TRPC4: variants seen among roughly 807,000 people sequenced by gnomAD.
TRPC4 encodes transient receptor potential cation channel subfamily C member 4.
In TRPC4, 49 loss-of-function variants were observed where a neutral mutation model predicts 99.4. That is an observed-to-expected ratio of 0.49 (90% CI 0.39 to 0.63). The LOEUF (loss-of-function observed/expected upper bound fraction) is 0.63. Among genes scored for constraint, TRPC4 ranks in the 20% least tolerant of loss-of-function variants. The pLI, the probability that TRPC4 is intolerant of heterozygous loss-of-function variation, is 0.00. For synonymous variants in TRPC4, 454 were observed against 425.9 expected (o/e 1.07, Z -0.81); for missense variants, 898 against 1,152.9 (o/e 0.78, Z 3.20).
At chr13:37,780,911 A>C (rs1182531508) in intron 2 of TRPC4, among the ~76,000 whole-genome samples, 1 of 152,122 alleles carries the variant, frequency 6.6e-6, no homozygotes, top group Non-Finnish European at 1.5e-5. Context: ...ATTCTTGGCC[A>C]GCAGACTGAT....
At position 37,636,873 on chromosome 13, in the gene TRPC4, G is replaced by T; in HGVS notation, c.*30C>A. ...CCAGAGCACTACGGAAAATACGTAT[G>T]TGTATGGTAAACGCTTCCTCCTTCA... is the stretch of plus-strand genomic sequence containing the variant. On this transcript the variant is annotated 3_prime_UTR_variant, in exon 11 of 11. Transcript: ENST00000379705. The T allele has an allele frequency of 6.3e-7, 1 of 1,587,560 alleles. No individual in the cohort carries two copies. Among genetic ancestry groups the T allele is most frequent in the Non-Finnish European group, 8.6e-7 (1 of 1,166,972 alleles).
intron 1 of TRPC4, among the ~76,000 whole-genome samples, chr13:37,832,763 TG>T (rs1464016763): frequency 2.0e-5 from 3 of 152,156 alleles, no homozygotes; most frequent in African/African-American, 7.2e-5. Flanking sequence ...AACTATATAC[TG>T]TTTACAAAAT....
chr13:37,779,422 TA>T (rs34336154), intron 2 of TRPC4, among the ~76,000 whole-genome samples: 4,706 of 144,700 alleles, frequency 0.033, 237 homozygotes, highest in African/African-American at 0.11. Context: ...CTCTTCTCAT[TA>T]AAAAAAAAAA....
intron 2 of TRPC4, among the ~76,000 whole-genome samples, chr13:37,781,241 A>G (rs555159794): frequency 1.3e-5 from 2 of 152,240 alleles, no homozygotes; most frequent in South Asian, 4.1e-4. Flanking sequence ...CATCAAAAAC[A>G]TGTTCCATGG....
In TRPC4 at chr13:37,636,676, TAACAAAAACAATTGTAAG is replaced by T. The variant is rs1951527498; in HGVS notation, c.*209_*226del. ...AAGAATACAAGGTGCATTTATTTAT[TAACAAAAACAATTGTAAG>T]ACAAATTGTGAAAGCAAAAGCAGGC... On this transcript the variant is annotated 3_prime_UTR_variant, in exon 11 of 11. Coordinates refer to ENST00000379705, the MANE Select transcript of TRPC4 (RefSeq NM_016179.4). 1 of 435,980 alleles carries T rather than the reference TAACAAAAACAATTGTAAG, an allele frequency of 2.3e-6. No individual in the cohort carries two copies. The highest frequency in any genetic ancestry group is 3.9e-6 in the Non-Finnish European group (1 of 254,328). The allele number at this position is 435,980 out of a possible 1,614,324, so 27.0% of individuals were successfully genotyped here.
chr13:37,842,371 G>GAAAAAAAA (rs1958766303), intron 1 of TRPC4, among the ~76,000 whole-genome samples: 2 of 54,412 alleles, frequency 3.7e-5, no homozygotes, highest in Admixed American at 1.8e-4. Context: ...AAAAAAAAAA[G>GAAAAAAAA]GAAAAGGAAA....
intron 6 of TRPC4, among the ~76,000 whole-genome samples, chr13:37,659,369 C>T (rs903107778): frequency 1.3e-5 from 2 of 152,144 alleles, no homozygotes; most frequent in African/African-American, 2.4e-5. Context: ...TGAATGGAAG[C>T]TTCCTGAGGC....
intron 5 of TRPC4, among the ~76,000 whole-genome samples, chr13:37,671,904 C>G (rs1291922975): frequency 1.3e-5 from 2 of 152,144 alleles, no homozygotes; most frequent in Admixed American, 6.5e-5. Context: ...ACTCCTATGA[C>G]CATATATTAA....
At chr13:37,726,553 A>T (rs1394191237) in intron 3 of TRPC4, among the ~76,000 whole-genome samples, 1 of 152,200 alleles carries the variant, frequency 6.6e-6, no homozygotes, top group African/African-American at 2.4e-5. Flanking sequence ...GAAGATAGTA[A>T]TGCAGGAAGT....
intron 1 of TRPC4, among the ~76,000 whole-genome samples, chr13:37,800,617 A>G (rs2139429432): frequency 6.6e-6 from 1 of 152,228 alleles, no homozygotes; most frequent in Non-Finnish European, 1.5e-5. Flanking sequence ...TATTCTCCAA[A>G]TGTAATATAT....
chr13:37,810,636 T>C (rs1296269878), intron 1 of TRPC4, among the ~76,000 whole-genome samples: 1 of 152,110 alleles, frequency 6.6e-6, no homozygotes, highest in Non-Finnish European at 1.5e-5. Flanking sequence ...AGTTAACAAA[T>C]GATTTTAAAG....
chr13:37,808,225 G>A (rs181786541), intron 1 of TRPC4, among the ~76,000 whole-genome samples: 35 of 152,156 alleles, frequency 2.3e-4, no homozygotes, highest in African/African-American at 8.2e-4. Flanking sequence ...TTCTTTAGAA[G>A]GTCTTTAGTG....
At chr13:37,775,607 C>A (rs1345916905) in intron 2 of TRPC4, among the ~76,000 whole-genome samples, 2 of 151,534 alleles carry the variant, frequency 1.3e-5, no homozygotes, top group East Asian at 3.9e-4. Context: ...CTAAATATTT[C>A]TCTCTCTAAA....
chr13:37,823,031 G>A (rs1377421338), intron 1 of TRPC4, among the ~76,000 whole-genome samples: 1 of 148,480 alleles, frequency 6.7e-6, no homozygotes, highest in African/African-American at 2.5e-5. Flanking sequence ...GTGATGATGA[G>A]CATTTTTTCA....
chr13:37,759,498 T>G (rs1956172494), intron 2 of TRPC4, among the ~76,000 whole-genome samples: 1 of 151,800 alleles, frequency 6.6e-6, no homozygotes. Flanking sequence ...TTGCAACATA[T>G]GAGACATACT....
intron 3 of TRPC4, among the ~76,000 whole-genome samples, chr13:37,745,520 G>A (rs1203546429): frequency 2.6e-4 from 25 of 94,686 alleles, no homozygotes; most frequent in African/African-American, 9.3e-4. Flanking sequence ...ATATATATAC[G>A]TATATATGTA....
chr13:37,667,823 A>G (rs1020545524), intron 5 of TRPC4, among the ~76,000 whole-genome samples: 2 of 152,216 alleles, frequency 1.3e-5, no homozygotes, highest in Non-Finnish European at 2.9e-5. Flanking sequence ...AATTCCTCAA[A>G]TTAGTCACAC....
At chr13:37,739,528 T>C (rs1416548605) in intron 3 of TRPC4, among the ~76,000 whole-genome samples, 1 of 143,920 alleles carries the variant, frequency 6.9e-6, no homozygotes, top group East Asian at 2.0e-4. Context: ...TTTTTTGAGA[T>C]GGAGTCTCTT....
At chr13:37,729,806 G>A (rs1479511093) in intron 3 of TRPC4, among the ~76,000 whole-genome samples, 1 of 152,156 alleles carries the variant, frequency 6.6e-6, no homozygotes, top group Admixed American at 6.6e-5. Context: ...AACTGGAATG[G>A]TGGATGCCAG....
Sources: allele counts gnomAD v4.1 joint callset (sites outside exome capture counted in the v4.1 genomes callset), GRCh38; gene constraint gnomAD v4.1.1; transcripts MANE v1.5; gene names NCBI Gene and HGNC (gene_info 2026-07-23, HGNC 2026-07-21).